Variants in ELF2 observed in about 807,000 individuals in gnomAD.
ELF2 encodes ETS-related transcription factor Elf-2.
Under a neutral mutation model 54.8 loss-of-function variants are expected in ELF2, and 11 were observed. That is an observed-to-expected ratio of 0.20 (90% confidence interval 0.13 to 0.33). ELF2 has a LOEUF of 0.33. ELF2 is among the 10% of genes least tolerant of loss of function. The pLI, the probability that ELF2 is intolerant of heterozygous loss-of-function variation, is 1.00. For missense variants in ELF2, 513 were observed against 703.0 expected, an observed-to-expected ratio of 0.73 and a Z score of 3.06; for synonymous variants, 203 against 245.1, an observed-to-expected ratio of 0.83 and a Z score of 1.61.
intron 4 of ELF2, chr4:139,115,356 C>T: frequency 5.0e-6 from 6 of 1,198,318 alleles, no homozygotes; most frequent in South Asian, 6.1e-5. Context: ...GCGCCCCCCG[C>T]GGTGCCGCTG....
intron 1 of ELF2, among the ~76,000 whole-genome samples, chr4:139,161,435 C>T (rs993385940): frequency 6.6e-6 from 1 of 151,972 alleles, no homozygotes; most frequent in Non-Finnish European, 1.5e-5. Flanking sequence ...ATTTGTGAAG[C>T]TCTTTGATAA....
At position 139,154,952 on chromosome 4, in the gene ELF2, C is replaced by G. The variant is rs112698855; in HGVS notation, c.-251-15455G>C. On this transcript the variant is annotated intron_variant, in intron 1 of 9. Coordinates refer to ENST00000686138, the MANE Select transcript of ELF2 (RefSeq NM_001331036.3). Reference sequence around the variant, plus strand: ...TTTTAAAAATTTCTTCCTCTTTCCCCTTCAAATATTGAAGCTCTCAAAATC... The same window carrying G: ...TTTTAAAAATTTCTTCCTCTTTCCCGTTCAAATATTGAAGCTCTCAAAATC... 6.7e-3 allele frequency among the ~76,000 whole-genome samples: 1,023 copies of G among 152,278 alleles called. 14 individuals are homozygous for G. The highest frequency in any genetic ancestry group is 0.023 in the African/African-American group (972 of 41,548).
Position 139,059,278 on chromosome 4 carries a change from A to G in ELF2, c.1487T>C (p.Leu496Pro). 3.1e-6 allele frequency: 5 copies of G among 1,613,940 alleles called. No homozygotes were observed. Among genetic ancestry groups the G allele is most frequent in the Non-Finnish European group, 4.2e-6 (5 of 1,179,866 alleles). The change falls in exon 10 of 10, where the codon CTT (leucine) becomes CCT (proline). Residue 496 changes from leucine to proline, a missense_variant. Coordinates refer to ENST00000686138, the MANE Select transcript of ELF2 (RefSeq NM_001331036.3). The stretch of plus-strand genomic sequence containing the variant: ...ACCATGGGCTATTGAAACAGGGGTA[A>G]GTGCTCTCACAGCCAATGGGGTTCC... ...IVGTPLAVRALTPVSIAHGTP... is the reference protein window; with the variant it reads ...IVGTPLAVRAPTPVSIAHGTP...
chr4:139,133,973 G>C (rs1037911227), intron 3 of ELF2, among the ~76,000 whole-genome samples: 2 of 152,074 alleles, frequency 1.3e-5, no homozygotes, highest in African/African-American at 4.8e-5. Flanking sequence ...CTTCTCAAAC[G>C]TGTGAGTCTT....
chr4:139,130,918 A>C (rs1250151146), intron 3 of ELF2, among the ~76,000 whole-genome samples: 1 of 152,226 alleles, frequency 6.6e-6, no homozygotes, highest in East Asian at 1.9e-4. Flanking sequence ...AGGACACTGC[A>C]TGCAGCTATT....
chr4:139,070,491 A>G (rs1729366568), intron 6 of ELF2, among the ~76,000 whole-genome samples: 1 of 151,124 alleles, frequency 6.6e-6, no homozygotes, highest in Non-Finnish European at 1.5e-5. Flanking sequence ...GGGTTTCATC[A>G]TGTTGACCAG....
chr4:139,118,257 A>G (rs1051394770), intron 4 of ELF2, among the ~76,000 whole-genome samples: 1 of 152,182 alleles, frequency 6.6e-6, no homozygotes, highest in Admixed American at 6.5e-5. Flanking sequence ...AAAAATAATA[A>G]AATAATACAA....
intron 1 of ELF2, among the ~76,000 whole-genome samples, chr4:139,165,120 G>GT (rs35153051): frequency 0.2 from 30,969 of 152,034 alleles, 3,279 homozygotes; most frequent in Middle Eastern, 0.31. Flanking sequence ...GATAATCCCT[G>GT]TATTTCATGC....
chr4:139,070,636 T>C (rs967513253), intron 6 of ELF2, among the ~76,000 whole-genome samples: 2 of 152,224 alleles, frequency 1.3e-5, no homozygotes, highest in Admixed American at 6.5e-5. Context: ...ACAGCTCTCA[T>C]TGGATGCAAC....
intron 1 of ELF2, among the ~76,000 whole-genome samples, chr4:139,170,904 T>G (rs752830764): frequency 2.6e-5 from 4 of 151,626 alleles, no homozygotes; most frequent in Admixed American, 1.3e-4. Context: ...CGCCACCACC[T>G]CCGGCTAATT....
chr4:139,173,701 T>G (rs999553713), intron 1 of ELF2, among the ~76,000 whole-genome samples: 37 of 141,802 alleles, frequency 2.6e-4, no homozygotes, highest in Admixed American at 2.2e-3. Flanking sequence ...GAGGTTGCAA[T>G]GAGCTGAGAT....
intron 1 of ELF2, among the ~76,000 whole-genome samples, chr4:139,151,116 T>G (rs1397623887): frequency 6.7e-6 from 1 of 149,256 alleles, no homozygotes; most frequent in Non-Finnish European, 1.5e-5. Flanking sequence ...TTTAATAAAT[T>G]GTGCTGGTAC....
At chr4:139,083,198 GA>G (rs1406272007) in intron 4 of ELF2, among the ~76,000 whole-genome samples, 1 of 151,828 alleles carries the variant, frequency 6.6e-6, no homozygotes, top group African/African-American at 2.4e-5. Flanking sequence ...GGGTAGAGGG[GA>G]AGGGGGCAAT....
intron 1 of ELF2, among the ~76,000 whole-genome samples, chr4:139,173,229 A>G (rs1248963821): frequency 6.6e-6 from 1 of 152,182 alleles, no homozygotes; most frequent in Non-Finnish European, 1.5e-5. Context: ...TATATTTACT[A>G]AAAATTATTG....
intron 4 of ELF2, chr4:139,084,446 G>GCGGCGA: frequency 8.6e-7 from 1 of 1,157,654 alleles, no homozygotes; most frequent in South Asian, 3.6e-5. Context: ...AGGGGCGGCG[G>GCGGCGA]CGGCGGCGGC....
intron 4 of ELF2, among the ~76,000 whole-genome samples, chr4:139,089,037 G>A (rs1306380851): frequency 6.6e-6 from 1 of 152,188 alleles, no homozygotes; most frequent in African/African-American, 2.4e-5. Context: ...GATTACAGGC[G>A]TGAGCCGCCG....
chr4:139,077,826 G>A (rs1385176188), intron 4 of ELF2, among the ~76,000 whole-genome samples: 1 of 150,828 alleles, frequency 6.6e-6, no homozygotes, highest in Non-Finnish European at 1.5e-5. Context: ...TTGACTTACT[G>A]GTATCTTTCT....
intron 3 of ELF2, among the ~76,000 whole-genome samples, chr4:139,134,584 ATTTATTTTATTTTAT>A (rs142478360): frequency 9.5e-4 from 133 of 140,000 alleles, no homozygotes; most frequent in African/African-American, 2.6e-3. Context: ...TTTATGTTAT[ATTTATTTTATTTTAT>A]TTTATTTTAT....
chr4:139,151,072 G>GAAAGAAAGAAAGAAAGAAAGAAAGAA (rs1739919682), intron 1 of ELF2, among the ~76,000 whole-genome samples: 1 of 123,584 alleles, frequency 8.1e-6, no homozygotes, highest in Admixed American at 8.1e-5. Flanking sequence ...AAGAAAGAAA[G>GAAAGAAAGAAAGAAAGAAAGAAAGAA]AAAGAAAGAA....
Sources: allele counts gnomAD v4.1 joint callset (sites outside exome capture counted in the v4.1 genomes callset), GRCh38; gene constraint gnomAD v4.1.1; transcripts MANE v1.5; gene names NCBI Gene and HGNC (gene_info 2026-07-23, HGNC 2026-07-21).